CERK: variants seen among roughly 807,000 people sequenced by gnomAD.
CERK encodes ceramide kinase, also known as acylsphingosine kinase.
Under a neutral mutation model 63.4 loss-of-function variants are expected in CERK, and 39 were observed. The ratio of observed to expected loss-of-function variants is 0.61; its 90% CI spans 0.48 to 0.80. The LOEUF is 0.80. CERK is among the 30% of genes least tolerant of loss of function. The probability of loss-of-function intolerance (pLI) is 0.00; values close to 1 mark genes in which losing one functional copy is unlikely to be tolerated. For synonymous variants in CERK, 302 were observed against 280.0 expected (o/e 1.08, Z -0.78); for missense variants, 670 against 714.1 (o/e 0.94, Z 0.70).
intron 1 of CERK, among the ~76,000 whole-genome samples, chr22:46,730,877 G>A (rs1378973866): frequency 3.3e-5 from 5 of 152,186 alleles, no homozygotes; most frequent in Middle Eastern, 3.2e-3. Flanking sequence ...AGGTACAAAC[G>A]CAGAGCCCCA....
chr22:46,689,493 C>G (rs1008771809), intron 12 of CERK, among the ~76,000 whole-genome samples: 5 of 152,252 alleles, frequency 3.3e-5, no homozygotes, highest in African/African-American at 1.2e-4. Flanking sequence ...GCCTCAGCCT[C>G]CGGGGTAGCT....
intron 1 of CERK, among the ~76,000 whole-genome samples, chr22:46,727,702 G>A (rs2082926021): frequency 6.6e-6 from 1 of 152,132 alleles, no homozygotes; most frequent in South Asian, 2.1e-4. Flanking sequence ...TAAGGGTGCT[G>A]TGGTCCGCGT....
intron 1 of CERK, among the ~76,000 whole-genome samples, chr22:46,724,847 G>A (rs547735590): frequency 9.9e-4 from 151 of 152,116 alleles, no homozygotes; most frequent in Non-Finnish European, 2.0e-3. Flanking sequence ...GTGAAACCCC[G>A]ACTCTACTAA....
intron 6 of CERK, among the ~76,000 whole-genome samples, chr22:46,703,512 A>G (rs1261295770): frequency 6.6e-6 from 1 of 152,138 alleles, no homozygotes; most frequent in East Asian, 1.9e-4. Context: ...TCTCACTCAC[A>G]ACTCTTGTGC....
At chr22:46,729,510 ATGC>A (rs1230945208) in intron 1 of CERK, among the ~76,000 whole-genome samples, 1 of 151,994 alleles carries the variant, frequency 6.6e-6, no homozygotes, top group Non-Finnish European at 1.5e-5. Flanking sequence ...CTGGTGTCAA[ATGC>A]TCCTCCTGCC....
chr22:46,704,900 G>T (rs1235413256), intron 6 of CERK, among the ~76,000 whole-genome samples: 2 of 151,600 alleles, frequency 1.3e-5, no homozygotes, highest in Non-Finnish European at 2.9e-5. Flanking sequence ...GGGAAAGGAA[G>T]TTTACAAAAG....
At chr22:46,719,960 A>C (rs2082883954) in intron 3 of CERK, 126 bp downstream of exon 3, 1 of 1,275,756 alleles carries the variant, frequency 7.8e-7, no homozygotes, top group Non-Finnish European at 1.1e-6. Flanking sequence ...AGTCAGCCTG[A>C]CTCATCATGT....
chr22:46,727,247 C>A (rs1181427586), intron 1 of CERK, among the ~76,000 whole-genome samples: 1 of 151,906 alleles, frequency 6.6e-6, no homozygotes, highest in African/African-American at 2.4e-5. Context: ...ACCTTTGACC[C>A]TTGTCAGCAC....
At chr22:46,726,229 T>C (rs1402915587) in intron 1 of CERK, among the ~76,000 whole-genome samples, 1 of 152,222 alleles carries the variant, frequency 6.6e-6, no homozygotes, top group African/African-American at 2.4e-5. Context: ...CTTGGGCATA[T>C]GCAACGAGAA....
intron 1 of CERK, among the ~76,000 whole-genome samples, chr22:46,725,635 G>A (rs752314763): frequency 3.3e-5 from 5 of 152,314 alleles, no homozygotes; most frequent in East Asian, 1.9e-4. Flanking sequence ...ATAAATTCTC[G>A]TGACAGAATT....
intron 8 of CERK, among the ~76,000 whole-genome samples, chr22:46,698,954 T>G (rs2082769703): frequency 1.3e-5 from 2 of 152,304 alleles, no homozygotes; most frequent in East Asian, 3.9e-4. Context: ...CAATTAATAC[T>G]TCCACTTGAA....
Position 46,701,664 on chromosome 22 carries a change from T to C in CERK, c.762A>G (p.Ala254=), listed in dbSNP as rs1473186083. 5.8e-6 allele frequency: 9 copies of C among 1,559,654 alleles called. No individual in the cohort carries two copies. Among genetic ancestry groups the C allele is most frequent in the Non-Finnish European group, 7.8e-6 (9 of 1,151,624 alleles). Residue 254 remains alanine, a synonymous_variant, in exon 7 of 13, where the codon GCA becomes GCG. Transcript: ENST00000216264. The part of the protein sequence containing the change: ...VCYSTVGTSD[A]ETSALHIVVG... Reference sequence around the variant, plus strand: ...CAACGATATGCAGCGCCGAGGTTTCTGCGTCGCTGGTGCCCACGGTGGAGT... The same window carrying C: ...CAACGATATGCAGCGCCGAGGTTTCCGCGTCGCTGGTGCCCACGGTGGAGT...
chr22:46,719,943 G>A lies in CERK; in HGVS notation c.379+143C>T, dbSNP rs1601724932. On this transcript the variant is annotated intron_variant, in intron 3 of 12. Coordinates refer to ENST00000216264, the MANE Select transcript of CERK (RefSeq NM_022766.6). ...ATTCACTGGGATGGTCTGCTCATGA[G>A]AAATTAAGTCAGCCTGACTCATCAT... 6.1e-6 allele frequency: 7 copies of A among 1,140,056 alleles called. No homozygotes were observed. In the East Asian group the frequency reaches 1.7e-4, roughly 28 times the overall value. 70.6% of individuals were successfully genotyped at this position (1,140,056 alleles called of 1,614,324 possible).
At chr22:46,721,479 CAAAT>C (rs143365569) in intron 1 of CERK, among the ~76,000 whole-genome samples, 2 of 152,040 alleles carry the variant, frequency 1.3e-5, no homozygotes, top group East Asian at 3.9e-4. Context: ...TTTAAACTCA[CAAAT>C]AAATAACTGT....
intron 1 of CERK, among the ~76,000 whole-genome samples, chr22:46,723,401 T>C (rs1280385303): frequency 2.0e-5 from 3 of 152,058 alleles, no homozygotes; most frequent in Non-Finnish European, 4.4e-5. Flanking sequence ...GGCAGAGCAC[T>C]TCGGGTCAGG....
Position 46,707,907 on chromosome 22 carries a change from G to A in CERK, c.651C>T (p.Val217=), listed in dbSNP as rs775186757. 6.8e-6 allele frequency: 11 copies of A among 1,613,750 alleles called. No individual in the cohort carries two copies. Among genetic ancestry groups the A allele is most frequent in the Admixed American group, 3.3e-5 (2 of 59,994 alleles). ...GCACAGCCCGGGGGTGGTTCTGGTC[G>A]ACCCCGGCGCTCCTCTGCGTCCTCC... ...LIGRTQRSAG[V]DQNHPRAVLV... Residue 217 remains valine (V), a synonymous_variant, in exon 6 of 13, where the codon GTC becomes GTT. Transcript: ENST00000216264.
intron 6 of CERK, among the ~76,000 whole-genome samples, chr22:46,705,388 C>T (rs539681507): frequency 2.2e-4 from 34 of 152,308 alleles, no homozygotes; most frequent in African/African-American, 6.5e-4. Flanking sequence ...AGAATCGGAA[C>T]GGGCTGGGTC....
At chr22:46,730,923 G>C (rs1670993247) in intron 1 of CERK, among the ~76,000 whole-genome samples, 2 of 152,250 alleles carry the variant, frequency 1.3e-5, no homozygotes, top group Admixed American at 1.3e-4. Context: ...GGAAGGGGCA[G>C]CTTTGCAAGA....
chr22:46,702,813 C>T (rs2082794066), intron 6 of CERK, among the ~76,000 whole-genome samples: 1 of 152,248 alleles, frequency 6.6e-6, no homozygotes. Flanking sequence ...GGCCTTCCCT[C>T]TGAGGACCAT....
Sources: allele counts gnomAD v4.1 joint callset (sites outside exome capture counted in the v4.1 genomes callset), GRCh38; gene constraint gnomAD v4.1.1; transcripts MANE v1.5; gene names NCBI Gene and HGNC (gene_info 2026-07-23, HGNC 2026-07-21).